The following FAM227A variants were observed in gnomAD, a reference collection of about 807,000 sequenced individuals.
FAM227A encodes family with sequence similarity 227 member A.
FAM227A carries 80 observed loss-of-function variants against 74.7 expected under a neutral mutation model. That is an observed-to-expected ratio of 1.07 (90% CI 0.89 to 1.29). FAM227A has a LOEUF of 1.29. FAM227A is among the 50% of genes most tolerant of loss of function. FAM227A has a pLI of 0.00. For synonymous variants in FAM227A, 237 were observed against 241.8 expected, an observed-to-expected ratio of 0.98 and a Z score of 0.19; for missense variants, 654 against 683.4, an observed-to-expected ratio of 0.96 and a Z score of 0.48.
At chr22:38,619,544 G>A (rs975911257) in intron 11 of FAM227A, among the ~76,000 whole-genome samples, 20 of 152,140 alleles carry the variant, frequency 1.3e-4, no homozygotes, top group African/African-American at 4.8e-4. Flanking sequence ...GACTGGTCTT[G>A]GACTCCTGGT....
At chr22:38,630,412 T>C (rs938447422) in intron 6 of FAM227A, among the ~76,000 whole-genome samples, 2 of 152,250 alleles carry the variant, frequency 1.3e-5, no homozygotes, top group Non-Finnish European at 2.9e-5. Context: ...CCAGACTGCC[T>C]GGATTCAAAT....
intron 11 of FAM227A, among the ~76,000 whole-genome samples, chr22:38,611,554 A>AT (rs1200636137): frequency 1.3e-5 from 2 of 152,184 alleles, no homozygotes; most frequent in African/African-American, 4.8e-5. Context: ...GATTGAATCT[A>AT]TAAGAATCAA....
chr22:38,618,233 A>G (rs1324469025), intron 11 of FAM227A, among the ~76,000 whole-genome samples: 1 of 152,228 alleles, frequency 6.6e-6, no homozygotes, highest in Non-Finnish European at 1.5e-5. Context: ...TTTCCATCTA[A>G]AAGCAGAGCA....
chr22:38,636,104 A>T (rs572184611), intron 6 of FAM227A, among the ~76,000 whole-genome samples: 1 of 121,634 alleles, frequency 8.2e-6, no homozygotes, highest in Admixed American at 7.7e-5. Context: ...GGGAAGAAGG[A>T]AACAGAAAAG....
rs921362223 is a variant in FAM227A at position 38,583,266 on chromosome 22, G to A, written c.*2859C>T. On this transcript the variant is annotated 3_prime_UTR_variant, in exon 17 of 17. Transcript: ENST00000535113. Reference sequence around the variant, plus strand: ...CAGCTCACTGCATCCTCCACCTCCCGGGTTCAAGTGATTCTCCTGCCTCAG... The same window carrying A: ...CAGCTCACTGCATCCTCCACCTCCCAGGTTCAAGTGATTCTCCTGCCTCAG... The A allele has an allele frequency of 7.1e-5, 14 of 195,918 alleles. No homozygotes were observed. Among genetic ancestry groups the A allele is most frequent in the African/African-American group, 3.2e-4 (13 of 40,708 alleles). 12.1% of individuals were successfully genotyped at this position (195,918 alleles called of 1,614,324 possible). A position where few individuals can be genotyped will look rare whatever the true frequency, so the allele number is the denominator to read the frequency against.
chr22:38,612,251 T>A (rs2091428489), intron 11 of FAM227A, among the ~76,000 whole-genome samples: 1 of 152,202 alleles, frequency 6.6e-6, no homozygotes, highest in African/African-American at 2.4e-5. Flanking sequence ...ATCATGGCAC[T>A]TCAATTATAT....
chr22:38,609,178 CAA>C (rs748486859), intron 11 of FAM227A, among the ~76,000 whole-genome samples: 15 of 152,278 alleles, frequency 9.9e-5, no homozygotes, highest in Middle Eastern at 3.4e-3. Context: ...GAGGAAAGGA[CAA>C]AGAGATAAAG....
chr22:38,641,551 C>CAA (rs34059145), intron 3 of FAM227A, among the ~76,000 whole-genome samples: 3 of 109,188 alleles, frequency 2.7e-5, no homozygotes, highest in Non-Finnish European at 2.1e-5. Context: ...AACTCCATCT[C>CAA]AAAAAAAAAA....
intron 10 of FAM227A, among the ~76,000 whole-genome samples, chr22:38,622,888 A>G (rs1205996204): frequency 6.6e-6 from 1 of 151,090 alleles, no homozygotes; most frequent in East Asian, 1.9e-4. Context: ...AAAAAAAAAA[A>G]AAAAAAAAAA....
At chr22:38,619,246 T>G (rs1040703348) in intron 11 of FAM227A, among the ~76,000 whole-genome samples, 7 of 152,158 alleles carry the variant, frequency 4.6e-5, no homozygotes, top group Non-Finnish European at 8.8e-5. Context: ...TGCAAGTCAG[T>G]CTACTAAAGG....
intron 11 of FAM227A, among the ~76,000 whole-genome samples, chr22:38,607,952 G>A (rs1474755114): frequency 6.6e-6 from 1 of 152,108 alleles, no homozygotes; most frequent in African/African-American, 2.4e-5. Context: ...CCCCTGGCTT[G>A]AGGAGCTTCC....
chr22:38,640,558 T>C (rs1603049928), intron 3 of FAM227A, among the ~76,000 whole-genome samples: 4 of 152,264 alleles, frequency 2.6e-5, no homozygotes, highest in South Asian at 4.1e-4. Context: ...GTTGCATTGA[T>C]TGTCAACCAA....
chr22:38,645,929 G>A (rs528267216), intron 2 of FAM227A, among the ~76,000 whole-genome samples: 76 of 151,880 alleles, frequency 5.0e-4, no homozygotes, highest in African/African-American at 8.2e-4. Flanking sequence ...GACTACTGGC[G>A]CACACCACCA....
chr22:38,631,820 G>A (rs1332677573), intron 6 of FAM227A, among the ~76,000 whole-genome samples: 1 of 152,182 alleles, frequency 6.6e-6, no homozygotes, highest in African/African-American at 2.4e-5. Flanking sequence ...TGTGACATTG[G>A]TGTTCTAGAA....
intron 9 of FAM227A, among the ~76,000 whole-genome samples, chr22:38,623,752 G>A (rs2091740696): frequency 6.6e-6 from 1 of 152,184 alleles, no homozygotes; most frequent in African/African-American, 2.4e-5. Context: ...CTGAGAACAG[G>A]GAGTGGGTCT....
chr22:38,631,542 TATG>T (rs2091915254), intron 6 of FAM227A, among the ~76,000 whole-genome samples: 1 of 151,950 alleles, frequency 6.6e-6, no homozygotes, highest in African/African-American at 2.4e-5. Context: ...AAAAATAAAA[TATG>T]ATGTAAGAAA....
intron 7 of FAM227A, 78 bp from the exon 8 acceptor site, chr22:38,628,420 G>T (rs2091853198): frequency 1.2e-6 from 1 of 861,378 alleles, no homozygotes; most frequent in Non-Finnish European, 1.9e-6. Context: ...TTTTAAATCA[G>T]TATTGTTTTC....
rs1364930930 is a variant in FAM227A at position 38,591,529 on chromosome 22, T to C, written c.1544A>G (p.Asn515Ser). 1.3e-6 allele frequency: 2 copies of C among 1,542,126 alleles called. No homozygotes were observed. The highest frequency in any genetic ancestry group is 2.4e-5 in the South Asian group (2 of 81,980). The change falls in exon 16 of 17, where the codon AAT becomes AGT. Residue 515 changes from asparagine to serine, a missense_variant. Asn to Ser is a conservative substitution (Grantham distance 46, BLOSUM62 1). Transcript: ENST00000535113. ...TGTATCTGCTGCTTTTGGATCAATA[T>C]TCTTCATTTCCCTGGGAGGAAAACA... ...LQDNFSREMKNIDPKAADTKK... is the reference protein window; with the variant it reads ...LQDNFSREMKSIDPKAADTKK...
At chr22:38,602,141 G>T (rs541618477) in intron 13 of FAM227A, among the ~76,000 whole-genome samples, 1 of 152,282 alleles carries the variant, frequency 6.6e-6, no homozygotes, top group East Asian at 1.9e-4. Flanking sequence ...ATGGGATAGG[G>T]TTGCATTTAA....
Sources: allele counts gnomAD v4.1 joint callset (sites outside exome capture counted in the v4.1 genomes callset), GRCh38; gene constraint gnomAD v4.1.1; transcripts MANE v1.5; gene names NCBI Gene and HGNC (gene_info 2026-07-23, HGNC 2026-07-21).